Variants in ELF5 observed in about 807,000 individuals in gnomAD.
ELF5 encodes the protein ETS-related transcription factor Elf-5.
ELF5 carries 31 observed loss-of-function variants against 38.2 expected under a neutral mutation model. That is an observed-to-expected ratio of 0.81 (90% CI 0.61 to 1.10). ELF5 has a LOEUF of 1.10. ELF5 is among the 50% of genes least tolerant of loss of function. The pLI, the probability that ELF5 is intolerant of heterozygous loss-of-function variation, is 0.00. For synonymous variants in ELF5, 121 were observed against 112.5 expected (o/e 1.08, Z -0.48); for missense variants, 300 against 306.6 (o/e 0.98, Z 0.16).
chr11:34,510,846 C>T (rs1033368915), intron 1 of ELF5, among the ~76,000 whole-genome samples: 4 of 152,104 alleles, frequency 2.6e-5, no homozygotes, highest in East Asian at 1.9e-4. Flanking sequence ...GGTGGAGAAG[C>T]GCTGTGATAG....
chr11:34,486,014 G>A (rs1849984111), intron 4 of ELF5, among the ~76,000 whole-genome samples: 1 of 152,206 alleles, frequency 6.6e-6, no homozygotes, highest in South Asian at 2.1e-4. Flanking sequence ...GGGATTTGGA[G>A]AGGCTTGGTT....
At position 34,493,531 on chromosome 11, in the gene ELF5, A is replaced by G. The variant is rs1403026159; in HGVS notation, c.303T>C (p.Ala101=). 3.7e-6 allele frequency: 6 copies of G among 1,614,222 alleles called. No homozygotes were observed. Among genetic ancestry groups the G allele is most frequent in the Non-Finnish European group, 4.2e-6 (5 of 1,180,044 alleles). Residue 101 remains alanine, a synonymous_variant, in exon 3 of 7, where the codon GCT becomes GCC. Transcript: ENST00000257832. The part of the protein sequence containing the change: ...SMTQEEFVEA[A]GLCGEYLYFI... ...AGTACAGGTACTCGCCGCAGAGGCC[A>G]GCTGCCTCGACGAACTCCTCCTGTG...
chr11:34,480,355 AC>A, intron 6 of ELF5, 41 bp from the exon 7 acceptor site: 1 of 1,493,028 alleles, frequency 6.7e-7, no homozygotes, highest in Non-Finnish European at 9.3e-7. Flanking sequence ...GAGAGCTTGC[AC>A]CCTAGGAAAA....
chr11:34,501,102 C>T lies in ELF5; in HGVS notation c.121+4527G>A, dbSNP rs542377979. On this transcript the variant is annotated intron_variant, in intron 2 of 6. Transcript: ENST00000257832. Reference sequence around the variant, plus strand: ...TGACCCTTTTCAAGCTCACGTAACCCGTAAGTGGCAGAGCTAGGAGTGGGT... The same window carrying T: ...TGACCCTTTTCAAGCTCACGTAACCTGTAAGTGGCAGAGCTAGGAGTGGGT... Among the ~76,000 whole-genome samples, 7 of 152,306 alleles carry T rather than the reference C, an allele frequency of 4.6e-5. No individual in the cohort carries two copies. In the South Asian group the frequency reaches 1.2e-3, roughly 27 times the overall value.
intron 4 of ELF5, among the ~76,000 whole-genome samples, chr11:34,483,802 C>T (rs184844403): frequency 6.6e-6 from 1 of 151,928 alleles, no homozygotes; most frequent in African/African-American, 2.4e-5. Flanking sequence ...CTGTAGTATA[C>T]CATGACAACT....
chr11:34,485,869 A>G (rs1754253974), intron 4 of ELF5, among the ~76,000 whole-genome samples: 1 of 152,020 alleles, frequency 6.6e-6, no homozygotes, highest in Non-Finnish European at 1.5e-5. Flanking sequence ...CCGTGAACCC[A>G]CTATATTTCT....
intron 1 of ELF5, among the ~76,000 whole-genome samples, chr11:34,512,583 ATTT>A (rs10647727): frequency 1.4e-3 from 209 of 148,770 alleles, no homozygotes; most frequent in African/African-American, 4.8e-3. Context: ...TAAAATGGGG[ATTT>A]TTTTTTTTTT....
chr11:34,513,229 T>C (rs1190442943), intron 1 of ELF5, among the ~76,000 whole-genome samples: 1 of 152,006 alleles, frequency 6.6e-6, no homozygotes, highest in Non-Finnish European at 1.5e-5. Flanking sequence ...ATAAGGGAGT[T>C]CTCTGTATCG....
chr11:34,505,883 G>GT, intron 1 of ELF5, 130 bp from the exon 2 acceptor site: 4 of 1,147,044 alleles, frequency 3.5e-6, no homozygotes, highest in South Asian at 1.8e-5. Flanking sequence ...ACTAGGAGCA[G>GT]GCACCGCCTA....
chr11:34,489,910 G>T, intron 4 of ELF5, 99 bp downstream of exon 4: 1 of 1,421,978 alleles, frequency 7.0e-7, no homozygotes, highest in Non-Finnish European at 9.9e-7. Context: ...GATTGTTTTG[G>T]TTCATCAGCT....
intron 1 of ELF5, among the ~76,000 whole-genome samples, chr11:34,507,880 T>C (rs1269364461): frequency 1.3e-5 from 2 of 152,230 alleles, no homozygotes; most frequent in Non-Finnish European, 1.5e-5. Flanking sequence ...GAATTCTTCA[T>C]CTAGTCCAGT....
Position 34,505,761 on chromosome 11 carries a change from A to G in ELF5, c.-4-8T>C, listed in dbSNP as rs773985947. On this transcript the variant is annotated splice_region_variant and splice_polypyrimidine_tract_variant and intron_variant, in intron 1 of 6. Coordinates refer to ENST00000257832, the MANE Select transcript of ELF5 (RefSeq NM_001422.4). ...ACCGAGTCCAACATTACCCTGCAAC[A>G]GCAGGAGAGGTCGTGAGGAGGCTGG... The G allele has an allele frequency of 2.5e-6, 4 of 1,612,826 alleles. No homozygotes were observed. The South Asian group carries it at 4.4e-5, about 18-fold the overall frequency.
Position 34,480,010 on chromosome 11 carries a change from G to A in ELF5, c.*208C>T. 1.7e-6 allele frequency: 1 copy of A among 573,540 alleles called. No individual in the cohort carries two copies. Among genetic ancestry groups the A allele is most frequent in the Non-Finnish European group, 3.1e-6 (1 of 324,250 alleles). The allele number at this position is 573,540 out of a possible 1,614,324, so 35.5% of individuals were successfully genotyped here. A position where few individuals can be genotyped will look rare whatever the true frequency, so the allele number is the denominator to read the frequency against. On this transcript the variant is annotated 3_prime_UTR_variant, in exon 7 of 7. Transcript: ENST00000257832. Reference sequence around the variant, plus strand: ...GATCATCCCCTCATCCCCTTAGGGAGAAGAAAGGATTTCTTAAGAGTTTCT... The same window carrying A: ...GATCATCCCCTCATCCCCTTAGGGAAAAGAAAGGATTTCTTAAGAGTTTCT...
intron 6 of ELF5, 55 bp downstream of exon 6, chr11:34,480,717 G>T (rs1414983141): frequency 6.4e-7 from 1 of 1,552,286 alleles, no homozygotes; most frequent in Non-Finnish European, 8.8e-7. Context: ...TCTACAGCCA[G>T]CCATTGTATA....
intron 4 of ELF5, 49 bp downstream of exon 4, chr11:34,489,960 C>A: frequency 1.2e-6 from 2 of 1,601,850 alleles, no homozygotes; most frequent in East Asian, 2.2e-5. Context: ...GCCCATGTAC[C>A]AATGACAACC....
At chr11:34,490,948 T>C (rs1206119116) in intron 3 of ELF5, among the ~76,000 whole-genome samples, 1 of 152,096 alleles carries the variant, frequency 6.6e-6, no homozygotes, top group African/African-American at 2.4e-5. Context: ...AGCCAACCTC[T>C]GACCTTGCTT....
intron 2 of ELF5, among the ~76,000 whole-genome samples, chr11:34,502,108 T>G (rs1850486350): frequency 6.6e-6 from 1 of 152,188 alleles, no homozygotes. Flanking sequence ...ACTTCCCAAG[T>G]GCCAGGCACG....
intron 1 of ELF5, among the ~76,000 whole-genome samples, chr11:34,507,059 A>T (rs947024672): frequency 2.0e-5 from 3 of 152,242 alleles, no homozygotes; most frequent in Non-Finnish European, 4.4e-5. Context: ...CTATGGTTGC[A>T]GTTTTATTTA....
At chr11:34,481,087 A>G in intron 5 of ELF5, 120 bp from the exon 6 acceptor site, 3 of 754,288 alleles carry the variant, frequency 4.0e-6, no homozygotes, top group Non-Finnish European at 5.6e-6. Context: ...CAATGGTGCG[A>G]TCTCGGCTCA....
Sources: allele counts gnomAD v4.1 joint callset (sites outside exome capture counted in the v4.1 genomes callset), GRCh38; gene constraint gnomAD v4.1.1; transcripts MANE v1.5; gene names NCBI Gene and HGNC (gene_info 2026-07-23, HGNC 2026-07-21).